Variants in TANGO6 observed in about 807,000 individuals in gnomAD.
TANGO6 encodes transport and Golgi organization protein 6 homolog.
In TANGO6, 90 loss-of-function variants were observed where a neutral mutation model predicts 114.2. The observed-to-expected ratio is 0.79, with a 90% CI of 0.66 to 0.94. The LOEUF (loss-of-function observed/expected upper bound fraction) is 0.94. Among genes scored for constraint, TANGO6 ranks in the 40% least tolerant of loss-of-function variants. The pLI, the probability that TANGO6 is intolerant of heterozygous loss-of-function variation, is 0.00. For missense variants in TANGO6, 1,274 were observed against 1,315.3 expected (o/e 0.97, Z 0.49); for synonymous variants, 477 against 509.8 (o/e 0.94, Z 0.87).
intron 6 of TANGO6, among the ~76,000 whole-genome samples, chr16:68,879,153 T>C (rs531315629): frequency 6.6e-6 from 1 of 152,106 alleles, no homozygotes; most frequent in Admixed American, 6.6e-5. Flanking sequence ...AAAAACTTTT[T>C]TTTAAATTTT....
rs574813689 is a variant in TANGO6 at position 68,959,451 on chromosome 16, G to T, written c.2702-14577G>T. On this transcript the variant is annotated intron_variant, in intron 14 of 17. Coordinates refer to ENST00000261778, the MANE Select transcript of TANGO6 (RefSeq NM_024562.2). ...AAAATATAAAAGTTAGCTGGGTGTG[G>T]TGGTGTGCACCTATAATCCCAGCTA... 2.0e-5 allele frequency among the ~76,000 whole-genome samples: 3 copies of T among 152,176 alleles called. No homozygotes were observed. In the South Asian group the frequency reaches 6.2e-4, roughly 32 times the overall value.
intron 17 of TANGO6, among the ~76,000 whole-genome samples, chr16:69,050,244 T>C (rs552007353): frequency 6.6e-6 from 1 of 152,312 alleles, no homozygotes; most frequent in Non-Finnish European, 1.5e-5. Flanking sequence ...CACTTGTTAT[T>C]GTCCATCATA....
chr16:69,082,128 T>C lies in TANGO6; in HGVS notation c.3109-1357T>C, dbSNP rs1960474275. On this transcript the variant is annotated intron_variant, in intron 17 of 17. Coordinates refer to ENST00000261778, the MANE Select transcript of TANGO6 (RefSeq NM_024562.2). ...CCTCCCAAGTAGCTGGGATTACAGG[T>C]GCCTGCCACCACGCCCAGCTAATTT... is the stretch of plus-strand genomic sequence containing the variant. 3.3e-5 allele frequency among the ~76,000 whole-genome samples: 5 copies of C among 152,234 alleles called. No homozygotes were observed. In the South Asian group the frequency reaches 1.0e-3, roughly 32 times the overall value.
At chr16:68,872,359 T>G (rs887584349) in intron 4 of TANGO6, among the ~76,000 whole-genome samples, 1 of 151,650 alleles carries the variant, frequency 6.6e-6, no homozygotes, top group African/African-American at 2.4e-5. Context: ...TGGAGTGCAA[T>G]GGCACGATCT....
At chr16:68,937,302 G>A (rs1326397858) in intron 14 of TANGO6, 1 of 152,116 alleles carries the variant, frequency 6.6e-6, no homozygotes. Flanking sequence ...TAACAAATAA[G>A]CATTTAGAGA....
chr16:69,079,004 C>T (rs1208860814), intron 17 of TANGO6, among the ~76,000 whole-genome samples: 1 of 151,984 alleles, frequency 6.6e-6, no homozygotes, highest in Non-Finnish European at 1.5e-5. Context: ...TCGGCTACTG[C>T]ACTCCAGCCT....
chr16:69,016,346 C>T (rs1365441866), intron 15 of TANGO6, among the ~76,000 whole-genome samples: 1 of 151,126 alleles, frequency 6.6e-6, no homozygotes, highest in Non-Finnish European at 1.5e-5. Flanking sequence ...TGCGGTGAGC[C>T]GAGATTGCGC....
intron 17 of TANGO6, among the ~76,000 whole-genome samples, chr16:69,082,942 T>G (rs1051090741): frequency 1.3e-5 from 2 of 152,000 alleles, no homozygotes; most frequent in African/African-American, 4.8e-5. Flanking sequence ...CTGGGAACTA[T>G]GATTTGGCCT....
At chr16:69,028,114 C>T (rs1959535361) in intron 16 of TANGO6, among the ~76,000 whole-genome samples, 1 of 152,076 alleles carries the variant, frequency 6.6e-6, no homozygotes, top group South Asian at 2.1e-4. Flanking sequence ...CATCTGCCAC[C>T]ATGCCTGGGT....
intron 16 of TANGO6, chr16:69,034,881 T>C (rs972198525): frequency 6.6e-6 from 1 of 151,228 alleles, no homozygotes; most frequent in African/African-American, 2.4e-5. Flanking sequence ...TTTTTTTTTT[T>C]CAATTTTTCC....
chr16:68,872,400 C>G (rs1962286291), intron 4 of TANGO6, among the ~76,000 whole-genome samples: 1 of 151,326 alleles, frequency 6.6e-6, no homozygotes, highest in Non-Finnish European at 1.5e-5. Context: ...CTCCCAGGTT[C>G]AAGAGATTCT....
chr16:68,967,113 G>A (rs1439272056), intron 14 of TANGO6, among the ~76,000 whole-genome samples: 1 of 152,114 alleles, frequency 6.6e-6, no homozygotes, highest in Non-Finnish European at 1.5e-5. Flanking sequence ...ATGGGGTCTG[G>A]CTGTGTTGCC....
At chr16:68,857,051 G>A (rs947304480) in intron 1 of TANGO6, among the ~76,000 whole-genome samples, 3 of 152,256 alleles carry the variant, frequency 2.0e-5, no homozygotes, top group African/African-American at 7.2e-5. Flanking sequence ...GGAGTTTGCA[G>A]TGAGCCAAGA....
At chr16:68,968,240 A>G (rs929701511) in intron 14 of TANGO6, among the ~76,000 whole-genome samples, 1 of 151,210 alleles carries the variant, frequency 6.6e-6, no homozygotes, top group Non-Finnish European at 1.5e-5. Context: ...TAATTTTTGT[A>G]TTTTTAGTAG....
At chr16:69,002,474 TTAAG>T (rs1343066523) in intron 15 of TANGO6, among the ~76,000 whole-genome samples, 3 of 151,844 alleles carry the variant, frequency 2.0e-5, no homozygotes, top group African/African-American at 4.8e-5. Flanking sequence ...AGTGAGTGAG[TTAAG>T]TGAGTGAGTT....
At chr16:69,080,102 AG>A (rs1960443815) in intron 17 of TANGO6, among the ~76,000 whole-genome samples, 1 of 152,258 alleles carries the variant, frequency 6.6e-6, no homozygotes, top group Non-Finnish European at 1.5e-5. Flanking sequence ...AAAGATAAAA[AG>A]AATTTAAATT....
chr16:68,887,130 C>G (rs1962549780), intron 7 of TANGO6, among the ~76,000 whole-genome samples: 1 of 152,184 alleles, frequency 6.6e-6, no homozygotes, highest in Non-Finnish European at 1.5e-5. Context: ...TGATCCTTCT[C>G]TCCCCTCTTT....
intron 17 of TANGO6, among the ~76,000 whole-genome samples, chr16:69,067,952 A>AG (rs1266837035): frequency 2.7e-5 from 4 of 150,102 alleles, no homozygotes; most frequent in South Asian, 2.1e-4. Flanking sequence ...AAAAAAAAAA[A>AG]AAAAGAAAAT....
rs751530392 is a variant in TANGO6, at chr16:68,843,648, G to A, written c.31G>A (p.Ala11Thr). MAARQAVGSG[A>T]QETCGLDRIL... ...GGCCCGACAGGCCGTGGGCAGCGGG[G>A]CTCAGGAGACATGCGGTCTGGATCG... The change falls in exon 1 of 18, where the codon GCT becomes ACT. Residue 11 changes from alanine (A) to threonine (T), a missense_variant. Ala to Thr is a moderately conservative substitution (Grantham distance 58). Transcript: ENST00000261778. The A allele has an allele frequency of 1.2e-5, 19 of 1,613,744 alleles. No individual in the cohort carries two copies. Among genetic ancestry groups the A allele is most frequent in the Non-Finnish European group, 8.5e-7 (1 of 1,179,738 alleles).
Sources: allele counts gnomAD v4.1 joint callset (sites outside exome capture counted in the v4.1 genomes callset), GRCh38; gene constraint gnomAD v4.1.1; transcripts MANE v1.5; gene names NCBI Gene and HGNC (gene_info 2026-07-23, HGNC 2026-07-21).